The following CPN2 variants were observed in gnomAD, a reference collection of about 807,000 sequenced individuals.
CPN2 encodes the protein carboxypeptidase N subunit 2.
For synonymous variants in CPN2, 336 were observed against 318.4 expected, an observed-to-expected ratio of 1.06 and a Z score of -0.59; for missense variants, 620 against 671.4, an observed-to-expected ratio of 0.92 and a Z score of 0.85.
In CPN2 at chr3:194,342,053, C is replaced by T. The variant is rs781218312; in HGVS notation, c.650G>A (p.Gly217Asp). 6.2e-7 allele frequency: 1 copy of T among 1,614,138 alleles called. No individual in the cohort carries two copies. Among genetic ancestry groups the T allele is most frequent in the South Asian group, 1.1e-5 (1 of 91,082 alleles). The stretch of plus-strand genomic sequence containing the variant: ...GTCCAGGAAGAGCTCCTGCAGGCTG[C>T]CCAGTTTGCCAAACACACCCTGGGG... ...GLPQGVFGKL[G>D]SLQELFLDSN... Residue 217 changes from glycine (G) to aspartate (D), a missense_variant, in exon 2 of 2, where the codon GGC becomes GAC. Coordinates refer to ENST00000323830, the MANE Select transcript of CPN2 (RefSeq NM_001080513.4).
At position 194,340,725 on chromosome 3, in the gene CPN2, C is replaced by T. The variant is rs1271372995; in HGVS notation, c.*340G>A. 1.6e-5 allele frequency: 4 copies of T among 253,408 alleles called. No individual in the cohort carries two copies. Among genetic ancestry groups the T allele is most frequent in the Non-Finnish European group, 2.3e-5 (3 of 131,844 alleles). The allele number at this position is 253,408 out of a possible 1,614,324, so 15.7% of individuals were successfully genotyped here. On this transcript the variant is annotated 3_prime_UTR_variant, in exon 2 of 2. Transcript: ENST00000323830. ...TATCACTGGGATGCAGTGAATAGAC[C>T]TCAGGGTGTAGGTGAGAGCGGTTGG...
intron 1 of CPN2, among the ~76,000 whole-genome samples, chr3:194,344,077 C>G (rs1376624189): frequency 6.6e-6 from 1 of 152,180 alleles, no homozygotes; most frequent in Non-Finnish European, 1.5e-5. Flanking sequence ...GGGTCCCTAG[C>G]GCTCCTCGCT....
At chr3:194,344,910 C>T (rs889321507) in intron 1 of CPN2, among the ~76,000 whole-genome samples, 1 of 152,056 alleles carries the variant, frequency 6.6e-6, no homozygotes, top group South Asian at 2.1e-4. Context: ...GCTGAAGAGG[C>T]ATGGGGTAGC....
chr3:194,341,881 C>G lies in CPN2; in HGVS notation c.822G>C (p.Trp274Cys). Residue 274 changes from tryptophan to cysteine, a missense_variant, in exon 2 of 2, where the codon TGG becomes TGC. Physicochemically the swap from Trp to Cys is radical, Grantham distance 215. Coordinates refer to ENST00000323830, the MANE Select transcript of CPN2 (RefSeq NM_001080513.4). ...LGNLTFLSLQ[W>C]NMLRVLPAGL... ...CGGCAGGCAGGACCCGAAGCATGTT[C>G]CACTGCAAGCTCAGAAAGGTCAGAT... The G allele has an allele frequency of 6.2e-7, 1 of 1,614,184 alleles. No individual in the cohort carries two copies. Among genetic ancestry groups the G allele is most frequent in the Admixed American group, 1.7e-5 (1 of 60,022 alleles).
Position 194,341,550 on chromosome 3 carries a change from A to G in CPN2, c.1153T>C (p.Tyr385His), listed in dbSNP as rs1163746482. The change falls in exon 2 of 2, where the codon TAC (tyrosine) becomes CAC (histidine). Residue 385 changes from tyrosine (Y) to histidine (H), a missense_variant. Coordinates refer to ENST00000323830, the MANE Select transcript of CPN2 (RefSeq NM_001080513.4). ...TLPEGIFDTNYNLFNLALHGN... is the reference protein window; with the variant it reads ...TLPEGIFDTNHNLFNLALHGN... ...TGCAGGGCCAGGTTGAACAGGTTGT[A>G]GTTGGTGTCGAAGATGCCCTCCGGA... 6.2e-7 allele frequency: 1 copy of G among 1,614,062 alleles called. No homozygotes were observed. Among genetic ancestry groups the G allele is most frequent in the East Asian group, 2.2e-5 (1 of 44,876 alleles).
intron 1 of CPN2, among the ~76,000 whole-genome samples, chr3:194,344,530 C>A (rs774415915): frequency 2.0e-5 from 3 of 152,064 alleles, no homozygotes; most frequent in Non-Finnish European, 4.4e-5. Context: ...CCTGTCTCTA[C>A]TAAAACCTAC....
chr3:194,348,822 G>A (rs1453865717), intron 1 of CPN2, among the ~76,000 whole-genome samples: 1 of 152,006 alleles, frequency 6.6e-6, no homozygotes, highest in Non-Finnish European at 1.5e-5. Context: ...AGACTGGGAG[G>A]TCGAGGCTGC....
At position 194,341,861 on chromosome 3, in the gene CPN2, GGCAGGACCCGAA is replaced by G. The variant is rs747291736; in HGVS notation, c.830_841del (p.Leu277_Leu280del). On this transcript the variant is annotated inframe_deletion, in exon 2 of 2. Transcript: ENST00000323830. ...CGGGGTGTGGGCAAAGAGGCCGGCAGGCAGGACCCGAAGCATGTTCCACTGCAAGCTCAGAAA... is the reference window on the plus strand; with the variant it reads ...CGGGGTGTGGGCAAAGAGGCCGGCAGGCATGTTCCACTGCAAGCTCAGAAA... 4 of 1,614,116 alleles carry G rather than the reference GGCAGGACCCGAA, an allele frequency of 2.5e-6. No individual in the cohort carries two copies. Among genetic ancestry groups the G allele is most frequent in the Admixed American group, 1.7e-5 (1 of 60,026 alleles).
In CPN2 at chr3:194,343,977, A is replaced by G. The variant is rs549059546; in HGVS notation, c.-3-1272T>C. 1.5e-4 allele frequency among the ~76,000 whole-genome samples: 23 copies of G among 152,354 alleles called. No homozygotes were observed. In the South Asian group the frequency reaches 4.6e-3, roughly 30 times the overall value. ...TTACCAAAAATTTAAAAAAGAAAGA[A>G]GCTCTTTCACAACATAATCCTAATT... On this transcript the variant is annotated intron_variant, in intron 1 of 1. Coordinates refer to ENST00000323830, the MANE Select transcript of CPN2 (RefSeq NM_001080513.4).
At chr3:194,349,316 G>A (rs192385820) in intron 1 of CPN2, among the ~76,000 whole-genome samples, 17 of 152,224 alleles carry the variant, frequency 1.1e-4, no homozygotes, top group Admixed American at 7.8e-4. Flanking sequence ...AGCCGAGATC[G>A]CACTATTGCA....
intron 1 of CPN2, among the ~76,000 whole-genome samples, chr3:194,349,093 G>A (rs751670964): frequency 2.0e-5 from 3 of 152,114 alleles, no homozygotes; most frequent in Non-Finnish European, 4.4e-5. Flanking sequence ...TGGCACTGTG[G>A]CTCACACCTG....
In CPN2 at chr3:194,342,316, G is replaced by A. The variant is rs770965698; in HGVS notation, c.387C>T (p.Asn129=). 3.1e-6 allele frequency: 5 copies of A among 1,613,978 alleles called. No individual in the cohort carries two copies. Among genetic ancestry groups the A allele is most frequent in the Middle Eastern group, 1.6e-4 (1 of 6,084 alleles). The part of the protein sequence containing the change: ...NLTSLGKLTL[N]FNMLEALPEG... ...CGGGCAGAGCCTCCAGCATGTTGAAGTTGAGGGTGAGCTTGCCCAGCGAGG... is the reference window on the plus strand; with the variant it reads ...CGGGCAGAGCCTCCAGCATGTTGAAATTGAGGGTGAGCTTGCCCAGCGAGG... Residue 129 remains asparagine (N), a synonymous_variant, in exon 2 of 2, where the codon AAC becomes AAT. Transcript: ENST00000323830.
intron 1 of CPN2, among the ~76,000 whole-genome samples, chr3:194,347,198 GGT>G (rs758036311): frequency 2.1e-5 from 3 of 146,000 alleles, no homozygotes; most frequent in African/African-American, 2.7e-5. Context: ...TTTTAAATGG[GGT>G]TTTTTTTTTT....
intron 1 of CPN2, among the ~76,000 whole-genome samples, chr3:194,344,600 C>T (rs535608594): frequency 2.6e-4 from 40 of 152,216 alleles, no homozygotes; most frequent in Non-Finnish European, 3.5e-4. Context: ...GAGGCTGAGG[C>T]AGGAGAATCG....
intron 1 of CPN2, among the ~76,000 whole-genome samples, chr3:194,344,175 T>C (rs1712968642): frequency 6.6e-6 from 1 of 152,176 alleles, no homozygotes. Context: ...CTCATGGGTT[T>C]AGGACTCAGT....
rs962516968 is a variant in CPN2 at position 194,339,772 on chromosome 3, T to C, written c.*1293A>G. On this transcript the variant is annotated 3_prime_UTR_variant, in exon 2 of 2. Coordinates refer to ENST00000323830, the MANE Select transcript of CPN2 (RefSeq NM_001080513.4). ...GAAAAGAGTCGAACTCTGTAAAATA[T>C]TTGAAGAGATTTATTCTGAGCCAAA... 6.6e-6 allele frequency: 1 copy of C among 152,216 alleles called. No individual in the cohort carries two copies. The highest frequency in any genetic ancestry group is 6.5e-5 in the Admixed American group (1 of 15,276). 9.4% of individuals were successfully genotyped at this position (152,216 alleles called of 1,614,324 possible). A position where few individuals can be genotyped will look rare whatever the true frequency, so the allele number is the denominator to read the frequency against.
At position 194,341,952 on chromosome 3, in the gene CPN2, T is replaced by C; in HGVS notation, c.751A>G (p.Asn251Asp). The C allele has an allele frequency of 6.2e-7, 1 of 1,613,936 alleles. No individual in the cohort carries two copies. Among genetic ancestry groups the C allele is most frequent in the Non-Finnish European group, 8.5e-7 (1 of 1,180,008 alleles). Residue 251 changes from asparagine to aspartate, a missense_variant, in exon 2 of 2, where the codon AAC (asparagine) becomes GAC (aspartate). Transcript: ENST00000323830. ...FCLERLWLQR[N>D]AITHLPLSIF... ...GAGAGCGGCAGGTGCGTGATGGCGT[T>C]GCGTTGCAGCCACAGCCTCTCTAGG...
At chr3:194,350,421 G>A (rs563766465) in intron 1 of CPN2, among the ~76,000 whole-genome samples, 98 of 152,296 alleles carry the variant, frequency 6.4e-4, no homozygotes, top group Non-Finnish European at 1.2e-3. Flanking sequence ...AGATTCTGAC[G>A]CCATCACCTA....
chr3:194,343,192 C>T lies in CPN2; in HGVS notation c.-3-487G>A, dbSNP rs190361259. Among the ~76,000 whole-genome samples the T allele has an allele frequency of 5.3e-3, 805 of 152,276 alleles. 5 individuals carry two copies. Among genetic ancestry groups the T allele is most frequent in the Non-Finnish European group, 7.7e-3 (521 of 68,018 alleles). ...CACCTCTGCCCATCTCTGCCCACTC[C>T]TCCACGGCGAGACCCGAGGAGATTT... On this transcript the variant is annotated intron_variant, in intron 1 of 1. Coordinates refer to ENST00000323830, the MANE Select transcript of CPN2 (RefSeq NM_001080513.4).
Sources: allele counts gnomAD v4.1 joint callset (sites outside exome capture counted in the v4.1 genomes callset), GRCh38; gene constraint gnomAD v4.1.1; transcripts MANE v1.5; gene names NCBI Gene and HGNC (gene_info 2026-07-23, HGNC 2026-07-21).